Variants in SEPTIN10 observed in about 807,000 individuals in gnomAD.
The protein encoded by SEPTIN10 is septin 10.
A neutral mutation model predicts 54.8 loss-of-function variants in SEPTIN10; 66 were observed. That is an observed-to-expected ratio of 1.21 (90% CI 0.99 to 1.48). The LOEUF is 1.48. Among genes scored for constraint, SEPTIN10 ranks in the 40% most tolerant of loss-of-function variants. The probability of loss-of-function intolerance (pLI) is 0.00; values close to 1 mark genes in which losing one functional copy is unlikely to be tolerated. For synonymous variants in SEPTIN10, 161 were observed against 181.0 expected, an observed-to-expected ratio of 0.89 and a Z score of 0.89; for missense variants, 620 against 545.6, an observed-to-expected ratio of 1.14 and a Z score of -1.36.
At chr2:109,589,287 C>A (rs1349714508) in intron 2 of SEPTIN10, among the ~76,000 whole-genome samples, 7 of 152,092 alleles carry the variant, frequency 4.6e-5, no homozygotes, top group African/African-American at 1.7e-4. Context: ...AATCTCAGCA[C>A]TTTAGGAGGC....
intron 1 of SEPTIN10, chr2:109,604,954 T>C (rs1021491340): frequency 1.3e-5 from 2 of 152,046 alleles, no homozygotes; most frequent in Non-Finnish European, 2.9e-5. Context: ...GGAAAGAGAA[T>C]AGGAGAGGAA....
intron 2 of SEPTIN10, among the ~76,000 whole-genome samples, chr2:109,588,330 AAG>A (rs954682049): frequency 5.3e-5 from 8 of 152,174 alleles, no homozygotes; most frequent in African/African-American, 1.7e-4. Flanking sequence ...GGGTAAATGT[AAG>A]AGAGGTTTTT....
At chr2:109,569,914 T>A (rs1047453720) in intron 5 of SEPTIN10, among the ~76,000 whole-genome samples, 1 of 151,990 alleles carries the variant, frequency 6.6e-6, no homozygotes, top group African/African-American at 2.4e-5. Flanking sequence ...AAAACAACTA[T>A]CTGGAGGTGG....
At chr2:109,607,441 A>C (rs907596201) in intron 1 of SEPTIN10, among the ~76,000 whole-genome samples, 4 of 152,134 alleles carry the variant, frequency 2.6e-5, no homozygotes, top group Non-Finnish European at 2.9e-5. Flanking sequence ...TACCTGTATT[A>C]TCTCTCCCCC....
rs537624463 is a variant in SEPTIN10 at position 109,611,425 on chromosome 2, CA to C, written c.30+2372del. ...ACTGAAAGAGAACATTTTCAAATCACATATCTGAGAAAGGACTGGAATCTAG... is the reference window on the plus strand; with the variant it reads ...ACTGAAAGAGAACATTTTCAAATCACTATCTGAGAAAGGACTGGAATCTAG... On this transcript the variant is annotated intron_variant, in intron 1 of 10. Transcript: ENST00000397712. 2.8e-4 allele frequency among the ~76,000 whole-genome samples: 43 copies of C among 151,154 alleles called. No homozygotes were observed. The South Asian group carries it at 2.9e-3, about 10-fold the overall frequency.
intron 4 of SEPTIN10, among the ~76,000 whole-genome samples, chr2:109,577,795 A>G (rs899231471): frequency 4.0e-5 from 6 of 149,244 alleles, no homozygotes; most frequent in African/African-American, 1.2e-4. Context: ...TGACTGCAGT[A>G]CCAGCTACAC....
At chr2:109,556,580 A>C (rs1323594721) in intron 8 of SEPTIN10, among the ~76,000 whole-genome samples, 2 of 152,134 alleles carry the variant, frequency 1.3e-5, no homozygotes, top group Non-Finnish European at 2.9e-5. Context: ...AAATGTGCAA[A>C]ATACCCTAGA....
rs371324848 is a variant in SEPTIN10, at chr2:109,574,675, T to G, written c.506A>C (p.Asp169Ala). The change falls in exon 5 of 11, where the codon GAT becomes GCT. Residue 169 changes from aspartate (D) to alanine (A), a missense_variant. Asp to Ala is a moderately radical substitution (Grantham distance 126). Coordinates refer to ENST00000397712, the MANE Select transcript of SEPTIN10 (RefSeq NM_144710.5). Reference sequence around the variant, plus strand: ...GTAGAGACACACATGGATGCGAGAATCATGGTAGGTAAAGAGAGAACGCTT... The same window carrying G: ...GTAGAGACACACATGGATGCGAGAAGCATGGTAGGTAAAGAGAGAACGCTT... Reference protein sequence around the residue: ...KIKRSLFTYHDSRIHVCLYFI... With the variant: ...KIKRSLFTYHASRIHVCLYFI... 38 of 1,610,260 alleles carry G rather than the reference T, an allele frequency of 2.4e-5. No homozygotes were observed. Among genetic ancestry groups the G allele is most frequent in the Non-Finnish European group, 3.1e-5 (36 of 1,178,376 alleles).
At chr2:109,584,891 T>C (rs377674734) in intron 4 of SEPTIN10, among the ~76,000 whole-genome samples, 17 of 152,208 alleles carry the variant, frequency 1.1e-4, no homozygotes, top group African/African-American at 3.6e-4. Context: ...TTTGCTGAAA[T>C]GCACATTTTA....
chr2:109,558,373 A>C (rs184313255), intron 8 of SEPTIN10, among the ~76,000 whole-genome samples: 1 of 152,316 alleles, frequency 6.6e-6, no homozygotes, highest in East Asian at 1.9e-4. Context: ...AACAACTCTA[A>C]ACTACTAAGC....
chr2:109,578,811 T>C (rs1305966641), intron 4 of SEPTIN10, among the ~76,000 whole-genome samples: 2 of 152,002 alleles, frequency 1.3e-5, no homozygotes, highest in Admixed American at 6.6e-5. Flanking sequence ...GAAAATACTA[T>C]GTATCAAACT....
At chr2:109,568,670 G>GCCT (rs5833334) in intron 5 of SEPTIN10, among the ~76,000 whole-genome samples, 135,054 of 151,938 alleles carry the variant, frequency 0.89, 60,098 homozygotes, top group Middle Eastern at 0.96. Context: ...AAACTGAATT[G>GCCT]CCTCAATTCA....
intron 1 of SEPTIN10, among the ~76,000 whole-genome samples, chr2:109,607,099 G>A (rs557645404): frequency 8.5e-5 from 13 of 152,180 alleles, no homozygotes; most frequent in Non-Finnish European, 1.6e-4. Context: ...CCATCGCTTC[G>A]TTTACTATTT....
In SEPTIN10 at chr2:109,564,431, A is replaced by T. The variant is rs909843653; in HGVS notation, c.963T>A (p.Leu321=). The T allele has an allele frequency of 1.9e-6, 3 of 1,598,842 alleles. No individual in the cohort carries two copies. Among genetic ancestry groups the T allele is most frequent in the Admixed American group, 1.7e-5 (1 of 59,294 alleles). The change falls in exon 8 of 11, where the codon CTT becomes CTA. Residue 321 remains leucine (L), a synonymous_variant. Transcript: ENST00000397712. ...REQTHTRHYE[L]YRRCKLEEMG... ...TTTCCTCCAGTTTGCAGCGCCTGTA[A>T]AGCTCATAGTGCCTGGTATGGGTCT...
intron 9 of SEPTIN10, among the ~76,000 whole-genome samples, chr2:109,549,883 T>A (rs921061358): frequency 6.6e-6 from 1 of 152,220 alleles, no homozygotes. Flanking sequence ...TATCTTATTG[T>A]AGTATTTTCA....
At chr2:109,571,145 C>A (rs1030438843) in intron 5 of SEPTIN10, among the ~76,000 whole-genome samples, 6 of 152,168 alleles carry the variant, frequency 3.9e-5, no homozygotes, top group Non-Finnish European at 7.3e-5. Context: ...TTCCCCTTCG[C>A]CTTCCGCCAT....
At chr2:109,551,880 C>G (rs1390129279) in intron 9 of SEPTIN10, among the ~76,000 whole-genome samples, 1 of 152,178 alleles carries the variant, frequency 6.6e-6, no homozygotes, top group Admixed American at 6.5e-5. Context: ...AACAAAACTA[C>G]AGAAGTTCAG....
chr2:109,612,238 A>G (rs188048820), intron 1 of SEPTIN10, among the ~76,000 whole-genome samples: 73 of 152,350 alleles, frequency 4.8e-4, no homozygotes, highest in African/African-American at 1.4e-3. Context: ...ATTCCATTAT[A>G]TAAGTCTTGG....
At chr2:109,606,329 C>T (rs1158195120) in intron 1 of SEPTIN10, among the ~76,000 whole-genome samples, 2 of 144,408 alleles carry the variant, frequency 1.4e-5, no homozygotes, top group South Asian at 2.2e-4. Context: ...GCAGGAGAAT[C>T]GTTTGAACCC....
Sources: allele counts gnomAD v4.1 joint callset (sites outside exome capture counted in the v4.1 genomes callset), GRCh38; gene constraint gnomAD v4.1.1; transcripts MANE v1.5; gene names NCBI Gene and HGNC (gene_info 2026-07-23, HGNC 2026-07-21).